Variants in SCUBE1 observed in about 807,000 individuals in gnomAD.
The protein encoded by SCUBE1 is signal peptide, CUB and EGF-like domain-containing protein 1.
Under a neutral mutation model 124.4 loss-of-function variants are expected in SCUBE1, and 59 were observed. The observed-to-expected ratio is 0.47, with a 90% CI of 0.38 to 0.59. SCUBE1 has a LOEUF of 0.59. Ranked by LOEUF, SCUBE1 falls within the 20% of genes least tolerant of loss-of-function variation. SCUBE1 has a pLI of 0.00. For synonymous variants in SCUBE1, 545 were observed against 550.9 expected (o/e 0.99, Z 0.15); for missense variants, 1,150 against 1,371.2 (o/e 0.84, Z 2.55).
At chr22:43,338,983 G>A (rs922639062) in intron 2 of SCUBE1, 121 bp downstream of exon 2, 2 of 1,184,898 alleles carry the variant, frequency 1.7e-6, no homozygotes, top group African/African-American at 1.5e-5. Context: ...TGTGCTGTCA[G>A]CAACCACAAT....
chr22:43,333,383 A>G (rs1056475476), intron 2 of SCUBE1, among the ~76,000 whole-genome samples: 1 of 152,228 alleles, frequency 6.6e-6, no homozygotes, highest in African/African-American at 2.4e-5. Context: ...ACATGTCTCC[A>G]CATGTGGAGG....
chr22:43,290,884 C>T (rs577301465), intron 4 of SCUBE1, among the ~76,000 whole-genome samples, 162 bp downstream of exon 4: 15 of 152,310 alleles, frequency 9.8e-5, no homozygotes, highest in Non-Finnish European at 2.1e-4. Flanking sequence ...GGAAGGAGGC[C>T]CATGCAGAAC....
intron 4 of SCUBE1, chr22:43,270,188 C>T (rs1037626461): frequency 2.0e-5 from 3 of 152,188 alleles, no homozygotes; most frequent in Non-Finnish European, 4.4e-5. Flanking sequence ...TGTAAAATTG[C>T]CTTCAGGTAT....
At chr22:43,264,322 A>G (rs539440749) in intron 4 of SCUBE1, among the ~76,000 whole-genome samples, 1 of 152,170 alleles carries the variant, frequency 6.6e-6, no homozygotes, top group Non-Finnish European at 1.5e-5. Context: ...CTCACAGAGG[A>G]GCTGTGCAAA....
intron 4 of SCUBE1, among the ~76,000 whole-genome samples, chr22:43,273,617 G>A (rs1030772945): frequency 2.4e-5 from 3 of 126,074 alleles, no homozygotes; most frequent in Non-Finnish European, 3.2e-5. Context: ...GCCCAGGCTG[G>A]AGTGCAGTGG....
chr22:43,316,399 C>T (rs1190774845), intron 3 of SCUBE1, among the ~76,000 whole-genome samples: 3 of 152,214 alleles, frequency 2.0e-5, no homozygotes, highest in African/African-American at 7.2e-5. Context: ...TCTTCACTGA[C>T]TAATCAGAGA....
intron 3 of SCUBE1, among the ~76,000 whole-genome samples, chr22:43,309,249 T>C (rs945994961): frequency 3.9e-5 from 6 of 152,244 alleles, no homozygotes; most frequent in Non-Finnish European, 8.8e-5. Flanking sequence ...GGTACTATGG[T>C]ATGTGTTTTA....
chr22:43,318,735 T>C (rs916965250), intron 3 of SCUBE1, among the ~76,000 whole-genome samples: 3 of 152,210 alleles, frequency 2.0e-5, no homozygotes, highest in African/African-American at 4.8e-5. Context: ...TTGTAATTAT[T>C]TTTTTGTTTT....
In SCUBE1 at chr22:43,222,672, G is replaced by C; in HGVS notation, c.1398C>G (p.Asn466Lys). Residue 466 changes from asparagine to lysine, a missense_variant, in exon 12 of 22, where the codon AAC becomes AAG. Coordinates refer to ENST00000360835, the MANE Select transcript of SCUBE1 (RefSeq NM_173050.5). ...TGGGCCCGAGGCCAGAGCTGGTGCC[G>C]TTGCGTTTCTGCAGCGCCTTGCCCT... ...GPQGKALQKR[N>K]GTSSGLGPSC... The C allele has an allele frequency of 6.2e-7, 1 of 1,602,826 alleles. No individual in the cohort carries two copies.
At chr22:43,245,084 C>G (rs1314584598) in intron 6 of SCUBE1, among the ~76,000 whole-genome samples, 1 of 152,270 alleles carries the variant, frequency 6.6e-6, no homozygotes, top group Non-Finnish European at 1.5e-5. Flanking sequence ...ACGCCGTGCT[C>G]CCTGGCAAGC....
At chr22:43,292,192 G>A (rs928000671) in intron 3 of SCUBE1, among the ~76,000 whole-genome samples, 43 of 152,132 alleles carry the variant, frequency 2.8e-4, no homozygotes, top group South Asian at 2.1e-4. Context: ...CGAGAATGAG[G>A]AGGTTTTTAT....
At chr22:43,236,464 C>A (rs1042654402) in intron 7 of SCUBE1, among the ~76,000 whole-genome samples, 1 of 152,218 alleles carries the variant, frequency 6.6e-6, no homozygotes, top group Non-Finnish European at 1.5e-5. Flanking sequence ...TCTTCCAGAC[C>A]CTACTGTGAC....
At chr22:43,284,981 C>T (rs737752) in intron 4 of SCUBE1, among the ~76,000 whole-genome samples, 141,332 of 152,256 alleles carry the variant, frequency 0.93, 65,744 homozygotes, top group East Asian at 1. Context: ...TATTTATGCA[C>T]GTGTTTAAAC....
At chr22:43,338,254 G>A (rs188694654) in intron 2 of SCUBE1, among the ~76,000 whole-genome samples, 1 of 152,170 alleles carries the variant, frequency 6.6e-6, no homozygotes, top group Non-Finnish European at 1.5e-5. Context: ...CTAACTTTTA[G>A]CCTGCTGGGG....
rs146403643 is a variant in SCUBE1, at chr22:43,299,816, A to G, written c.350-8636T>C. 4.5e-3 allele frequency among the ~76,000 whole-genome samples: 690 copies of G among 152,210 alleles called. 4 individuals carry two copies. The highest frequency in any genetic ancestry group is 7.1e-3 in the Non-Finnish European group (483 of 68,014). On this transcript the variant is annotated intron_variant, in intron 3 of 21. Transcript: ENST00000360835. The stretch of plus-strand genomic sequence containing the variant: ...TCCTACCCCTTCGCCCCTGGAAACC[A>G]CATGTCTACTTTCCATCTATGGTTT...
At chr22:43,253,627 C>T (rs1923542910) in intron 6 of SCUBE1, among the ~76,000 whole-genome samples, 1 of 152,156 alleles carries the variant, frequency 6.6e-6, no homozygotes. Flanking sequence ...CAGGGCCTCC[C>T]TCCTCACCTC....
intron 6 of SCUBE1, among the ~76,000 whole-genome samples, chr22:43,251,127 G>A (rs550977410): frequency 7.9e-5 from 12 of 152,326 alleles, no homozygotes; most frequent in East Asian, 1.9e-4. Context: ...CTGGTGAGGC[G>A]AGAGAGCCGG....
At chr22:43,328,631 G>A (rs568107455) in intron 2 of SCUBE1, among the ~76,000 whole-genome samples, 4 of 152,330 alleles carry the variant, frequency 2.6e-5, no homozygotes, top group East Asian at 3.9e-4. Context: ...CAGATCAGGG[G>A]CTCATGGCAA....
At chr22:43,290,763 C>T (rs991056365) in intron 4 of SCUBE1, among the ~76,000 whole-genome samples, 1 of 152,240 alleles carries the variant, frequency 6.6e-6, no homozygotes, top group Non-Finnish European at 1.5e-5. Context: ...ACAGCCAGCC[C>T]CCAACTCAGA....
Sources: gnomAD v4.1 joint callset for allele counts (sites outside exome capture counted in the v4.1 genomes callset) on GRCh38, gnomAD v4.1.1 for gene constraint, MANE v1.5 for transcripts, NCBI Gene and HGNC (gene_info 2026-07-23, HGNC 2026-07-21) for gene names.